ADGRE2: variants seen among roughly 807,000 people sequenced by gnomAD.
The protein encoded by ADGRE2 is CD97 antigen.
Under a neutral mutation model 100.8 loss-of-function variants are expected in ADGRE2, and 83 were observed. The ratio of observed to expected loss-of-function variants is 0.82; its 90% confidence interval spans 0.69 to 0.99. The LOEUF is 0.99. Among genes scored for constraint, ADGRE2 ranks in the 50% least tolerant of loss-of-function variants. The pLI, the probability that ADGRE2 is intolerant of heterozygous loss-of-function variation, is 0.00. For missense variants in ADGRE2, 814 were observed against 1,035.7 expected (o/e 0.79, Z 2.94); for synonymous variants, 355 against 413.0 (o/e 0.86, Z 1.70).
Position 14,752,337 on chromosome 19 carries a change from C to A in ADGRE2, c.1780G>T (p.Gly594Ter), listed in dbSNP as rs148074899. ...LLFLVAIDQT[G>*]HKVLCSIIAG... The stretch of plus-strand genomic sequence containing the variant: ...AACACCGCTGTCAATACCTTGTGTC[C>A]GGTTTGATCAATTGCCACGAGGAAG... The change falls in exon 15 of 21, where the codon GGA becomes TGA. Residue 594 changes from glycine to a stop codon, truncating the protein, a stop_gained. Coordinates refer to ENST00000315576, the MANE Select transcript of ADGRE2 (RefSeq NM_013447.4). LOFTEE classifies it high-confidence loss of function. The A allele has an allele frequency of 5.3e-4, 863 of 1,614,048 alleles. No individual in the cohort carries two copies. The highest frequency in any genetic ancestry group is 6.9e-4 in the Non-Finnish European group (811 of 1,179,968).
chr19:14,759,505 T>TATATATATATATATA (rs60321111), intron 11 of ADGRE2, among the ~76,000 whole-genome samples: 2,120 of 60,912 alleles, frequency 0.035, 63 homozygotes, highest in African/African-American at 0.13. Context: ...ATATATATAT[T>TATATATATATATATA]TTTTTTTTTT....
chr19:14,764,966 G>C (rs951425761), intron 10 of ADGRE2, among the ~76,000 whole-genome samples: 1 of 152,148 alleles, frequency 6.6e-6, no homozygotes, highest in Non-Finnish European at 1.5e-5. Context: ...GCAGTGAGCT[G>C]AGATCGGGCC....
intron 17 of ADGRE2, 150 bp from the exon 18 acceptor site, chr19:14,746,473 A>G: frequency 1.7e-6 from 1 of 593,802 alleles, no homozygotes; most frequent in Non-Finnish European, 3.0e-6. Context: ...CCCGGGTTCG[A>G]GCGATTCTCC....
chr19:14,729,056 G>A (rs901676844), downstream of ADGRE2, among the ~76,000 whole-genome samples: 3 of 152,194 alleles, frequency 2.0e-5, no homozygotes, highest in South Asian at 2.1e-4. Flanking sequence ...GGGGTGGAAC[G>A]GGTGCAGAAT....
At chr19:14,764,744 C>A in intron 10 of ADGRE2, 134 bp from the exon 11 acceptor site, 1 of 949,530 alleles carries the variant, frequency 1.1e-6, no homozygotes, top group Admixed American at 2.9e-5. Flanking sequence ...GGCGGCTGGG[C>A]GCGGTGGCTC....
intron 14 of ADGRE2, 61 bp downstream of exon 14, chr19:14,754,893 G>T: frequency 6.4e-7 from 1 of 1,572,158 alleles, no homozygotes; most frequent in South Asian, 1.1e-5. Flanking sequence ...AGGCTGCTAC[G>T]TCTCTGGGGA....
chr19:14,761,911 G>C (rs1411978778), intron 11 of ADGRE2, among the ~76,000 whole-genome samples: 4 of 152,204 alleles, frequency 2.6e-5, no homozygotes, highest in Non-Finnish European at 5.9e-5. Flanking sequence ...TGGGTGGGAA[G>C]TCCCATTTGG....
Position 14,766,364 on chromosome 19 carries a change from A to C in ADGRE2, c.505T>G (p.Ser169Ala). ...GAGCTGTGGCATGGGTTTTGTCCGG[A>C]GGTGCATTCATTCACATCTGAGGAC... ...KLCTDVNECT[S>A]GQNPCHSSTH... The change falls in exon 7 of 21, where the codon TCC becomes GCC. Residue 169 changes from serine (S) to alanine (A), a missense_variant. This residue lies in a region of ADGRE2 where 69 missense variants were observed against 75.3 expected (regional missense o/e 0.92). Coordinates refer to ENST00000315576, the MANE Select transcript of ADGRE2 (RefSeq NM_013447.4). 2 of 1,613,866 alleles carry C rather than the reference A, an allele frequency of 1.2e-6. No homozygotes were observed. Among genetic ancestry groups the C allele is most frequent in the Non-Finnish European group, 1.7e-6 (2 of 1,179,992 alleles).
At chr19:14,761,058 T>C (rs546210159) in intron 11 of ADGRE2, among the ~76,000 whole-genome samples, 2 of 152,332 alleles carry the variant, frequency 1.3e-5, no homozygotes, top group Non-Finnish European at 2.9e-5. Flanking sequence ...TGAACCAATG[T>C]ATAGCTTAAA....
At chr19:14,739,859 G>T (rs1273136870) in intron 20 of ADGRE2, among the ~76,000 whole-genome samples, 1 of 152,200 alleles carries the variant, frequency 6.6e-6, no homozygotes, top group Non-Finnish European at 1.5e-5. Flanking sequence ...CCAGCACTTT[G>T]GGAGGCCAAG....
chr19:14,772,086 G>A, intron 5 of ADGRE2: 1 of 542,282 alleles, frequency 1.8e-6, no homozygotes, highest in Non-Finnish European at 3.3e-6. Flanking sequence ...CAGTAGTGAT[G>A]TTGGTAATAT....
intron 11 of ADGRE2, among the ~76,000 whole-genome samples, chr19:14,762,758 C>T (rs2043775491): frequency 6.6e-6 from 1 of 151,986 alleles, no homozygotes; most frequent in African/African-American, 2.4e-5. Flanking sequence ...ATTCTCCTGC[C>T]TCAGCCTCTT....
At chr19:14,730,455 CCT>C (rs144858304), downstream of ADGRE2, among the ~76,000 whole-genome samples, 3 of 89,356 alleles carry the variant, frequency 3.4e-5, 1 homozygote, top group East Asian at 3.4e-4. Context: ...TTCCTCCCTT[CCT>C]CTCTTTCTTT....
Position 14,736,194 on chromosome 19 carries a change from T to C in ADGRE2, c.*42A>G. 1 of 1,577,118 alleles carries C rather than the reference T, an allele frequency of 6.3e-7. No homozygotes were observed. Among genetic ancestry groups the C allele is most frequent in the Non-Finnish European group, 8.7e-7 (1 of 1,147,706 alleles). ...TAGATGGCTCAAAGATTGTTCAGATTTTCCACGGGCAAAGAGGGAAGATCT... is the reference window on the plus strand; with the variant it reads ...TAGATGGCTCAAAGATTGTTCAGATCTTCCACGGGCAAAGAGGGAAGATCT... On this transcript the variant is annotated 3_prime_UTR_variant, in exon 21 of 21. Transcript: ENST00000315576.
At chr19:14,751,956 G>A (rs1177337190) in intron 15 of ADGRE2, among the ~76,000 whole-genome samples, 2 of 136,948 alleles carry the variant, frequency 1.5e-5, no homozygotes, top group East Asian at 2.1e-4. Flanking sequence ...TTTTTGAGAC[G>A]GAATTTCACT....
downstream of ADGRE2, among the ~76,000 whole-genome samples, chr19:14,730,170 G>A (rs142023057): frequency 9.5e-4 from 144 of 152,058 alleles, no homozygotes; most frequent in African/African-American, 3.4e-3. Flanking sequence ...CTTCTGCCTC[G>A]CAGCCTCCTG....
At position 14,771,937 on chromosome 19, in the gene ADGRE2, A is replaced by G. The variant is rs59612685; in HGVS notation, c.355+405T>C. On this transcript the variant is annotated intron_variant, in intron 5 of 20. Transcript: ENST00000315576. ...TACAGTGCATAATAACGTTTAAAGA[A>G]TGAAGATGCCTGTAGCACCTGCTGT... 9.1e-3 allele frequency: 1,645 copies of G among 180,536 alleles called. 27 individuals carry two copies. Among genetic ancestry groups the G allele is most frequent in the African/African-American group, 0.044 (1,556 of 35,702 alleles). The allele number at this position is 180,536 out of a possible 1,614,324, so 11.2% of individuals were successfully genotyped here. A position where few individuals can be genotyped will look rare whatever the true frequency, so the allele number is the denominator to read the frequency against.
chr19:14,773,028 G>A (rs1381646512), intron 4 of ADGRE2, among the ~76,000 whole-genome samples: 4 of 132,056 alleles, frequency 3.0e-5, no homozygotes, highest in African/African-American at 5.7e-5. Context: ...GCGGTGAGCC[G>A]AGATCGCGCC....
Position 14,736,244 on chromosome 19 carries a change from C to T in ADGRE2, c.2464G>A (p.Val822Ile). The T allele has an allele frequency of 6.4e-7, 1 of 1,556,498 alleles. No homozygotes were observed. Among genetic ancestry groups the T allele is most frequent in the South Asian group, 1.1e-5 (1 of 89,414 alleles). The change falls in exon 21 of 21, where the codon GTT becomes ATT. Residue 822 changes from valine to isoleucine, a missense_variant and splice_region_variant. Coordinates refer to ENST00000315576, the MANE Select transcript of ADGRE2 (RefSeq NM_013447.4). ...AKADTSKPST[V>I]N is the part of the protein sequence containing the mutation. ...TTATTCAGAAGATTTTTCTAGTTAA[C>T]CTGAAATATATATATATGTATGTAT...
Sources: allele counts gnomAD v4.1 joint callset (sites outside exome capture counted in the v4.1 genomes callset), GRCh38; gene constraint gnomAD v4.1.1; regional missense constraint gnomAD v4.1.1; transcripts MANE v1.5; gene names NCBI Gene and HGNC (gene_info 2026-07-23, HGNC 2026-07-21).